The following TNFAIP3 variants were observed in gnomAD, a reference collection of about 807,000 sequenced individuals.
TNFAIP3 encodes the protein TNF alpha induced protein 3.
Under a neutral mutation model 72.4 loss-of-function variants are expected in TNFAIP3, and 9 were observed. The observed-to-expected ratio is 0.12, with a 90% CI of 0.07 to 0.22. TNFAIP3 has a LOEUF of 0.22. Ranked by LOEUF, TNFAIP3 falls within the 10% of genes least tolerant of loss-of-function variation. The pLI, the probability that TNFAIP3 is intolerant of heterozygous loss-of-function variation, is 1.00. For synonymous variants in TNFAIP3, 339 were observed against 372.6 expected, an observed-to-expected ratio of 0.91 and a Z score of 1.04; for missense variants, 833 against 1,018.7, an observed-to-expected ratio of 0.82 and a Z score of 2.48.
intron 1 of TNFAIP3, among the ~76,000 whole-genome samples, chr6:137,870,818 G>A (rs1562267134): frequency 6.6e-6 from 1 of 152,166 alleles, no homozygotes. Context: ...CTGGCATCCA[G>A]TACTCCCCAA....
rs768774832 is a variant in TNFAIP3, at chr6:137,878,592, A to T, written c.1147A>T (p.Met383Leu). The T allele has an allele frequency of 2.5e-6, 4 of 1,614,266 alleles. No homozygotes were observed. In the South Asian group the frequency reaches 4.4e-5, roughly 18 times the overall value. Residue 383 changes from methionine to leucine, a missense_variant, in exon 7 of 9, where the codon ATG (methionine) becomes TTG (leucine). Coordinates refer to ENST00000612899, the MANE Select transcript of TNFAIP3 (RefSeq NM_001270508.2). ...ACCTTCCGTGCCCCAGCTTTCTCTC[A>T]TGGATGTAAAATGTGAAACGCCCAA... Reference protein sequence around the residue: ...MEPSVPQLSLMDVKCETPNCP... With the variant: ...MEPSVPQLSLLDVKCETPNCP...
intron 8 of TNFAIP3, among the ~76,000 whole-genome samples, chr6:137,880,816 G>T (rs1188048567): frequency 1.3e-5 from 2 of 152,160 alleles, no homozygotes; most frequent in African/African-American, 4.8e-5. Flanking sequence ...GTTTTCCTCA[G>T]CCTCCCTGGG....
In TNFAIP3 at chr6:137,871,196, TTTCC is replaced by T; in HGVS notation, c.-15-14_-15-11del. 1.3e-6 allele frequency: 2 copies of T among 1,568,756 alleles called. No homozygotes were observed. The highest frequency in any genetic ancestry group is 8.6e-7 in the Non-Finnish European group (1 of 1,162,698). On this transcript the variant is annotated splice_polypyrimidine_tract_variant and intron_variant, in intron 1 of 8. Transcript: ENST00000612899. This position sits in a 1 kb window ranked among gnomAD's most constrained non-coding sequence, Gnocchi z 4.2. Reference sequence around the variant, plus strand: ...CAGGCTAATAGAATGGCTTTTTTTTTTTCCTTTCCTTTTCAGGTGTTGGAGAGCA... The same window carrying T: ...CAGGCTAATAGAATGGCTTTTTTTTTTTTCCTTTTCAGGTGTTGGAGAGCA...
At chr6:137,873,694 A>AT (rs533997173) in intron 2 of TNFAIP3, among the ~76,000 whole-genome samples, 292 of 152,304 alleles carry the variant, frequency 1.9e-3, no homozygotes, top group Admixed American at 3.3e-3. Context: ...GAACGCAATC[A>AT]TTGCTACACG....
intron 3 of TNFAIP3, 36 bp downstream of exon 3, chr6:137,875,071 T>A (rs768199497): frequency 4.3e-6 from 7 of 1,611,468 alleles, no homozygotes; most frequent in Non-Finnish European, 5.1e-6. Flanking sequence ...CTAACAGAGC[T>A]CCATGGTGGG....
At position 137,879,342 on chromosome 6, in the gene TNFAIP3, G is replaced by C. The variant is rs1776368987; in HGVS notation, c.1897G>C (p.Glu633Gln). The C allele has an allele frequency of 2.5e-6, 4 of 1,610,016 alleles. No individual in the cohort carries two copies. The East Asian group carries it at 8.9e-5, about 36-fold the overall frequency. ...FCTLCFIEYR[E>Q]NKHFAAASGK... ...CACACTGTGTTTCATCGAGTACAGA[G>C]AAAACAAACGTGAGTGAAGTGGTTG... Residue 633 changes from glutamate to glutamine, a missense_variant, in exon 7 of 9, where the codon GAA becomes CAA. Physicochemically the swap from Glu to Gln is conservative, Grantham distance 29 (BLOSUM62 2). Around this residue, in one of 2 missense-constraint regions of TNFAIP3, gnomAD observed 587 missense variants for 657.8 expected, o/e 0.89. Transcript: ENST00000612899.
At chr6:137,873,330 C>T (rs960903534) in intron 2 of TNFAIP3, among the ~76,000 whole-genome samples, 2 of 152,076 alleles carry the variant, frequency 1.3e-5, no homozygotes, top group African/African-American at 2.4e-5. Context: ...TATGAGACTG[C>T]GGTGAATGAG....
Position 137,880,322 on chromosome 6 carries a change from G to C in TNFAIP3, c.2088+70G>C, listed in dbSNP as rs551298480. Reference sequence around the variant, plus strand: ...GCTTTTTGCTGGAGCGTTTTCTACCGACAGTGACAAGCAGGCTTTCCTCTC... The same window carrying C: ...GCTTTTTGCTGGAGCGTTTTCTACCCACAGTGACAAGCAGGCTTTCCTCTC... On this transcript the variant is annotated intron_variant, in intron 8 of 8. Coordinates refer to ENST00000612899, the MANE Select transcript of TNFAIP3 (RefSeq NM_001270508.2). The C allele has an allele frequency of 2.0e-5, 31 of 1,530,430 alleles. No individual in the cohort carries two copies. In the East Asian group the frequency reaches 6.5e-4, roughly 32 times the overall value. 94.8% of individuals were successfully genotyped at this position (1,530,430 alleles called of 1,614,324 possible).
chr6:137,880,078 T>C lies in TNFAIP3; in HGVS notation c.1914T>C (p.Ala638=), dbSNP rs772785588. 6.2e-7 allele frequency: 1 copy of C among 1,614,154 alleles called. No individual in the cohort carries two copies. The stretch of plus-strand genomic sequence containing the variant: ...GCATCCATTCTCATGTAGATTTTGC[T>C]GCTGCCTCAGGGAAAGTCAGTCCCA... The part of the protein sequence containing the change: ...FIEYRENKHF[A]AASGKVSPTA... The change falls in exon 8 of 9, where the codon GCT becomes GCC. Residue 638 remains alanine, a synonymous_variant. Transcript: ENST00000612899.
rs1189263512 is a variant in TNFAIP3, at chr6:137,882,710, T to G, written c.*1391T>G. 1 of 232,572 alleles carries G rather than the reference T, an allele frequency of 4.3e-6. No individual in the cohort carries two copies. The highest frequency in any genetic ancestry group is 2.2e-5 in the African/African-American group (1 of 45,294). 14.4% of individuals were successfully genotyped at this position (232,572 alleles called of 1,614,324 possible). A position where few individuals can be genotyped will look rare whatever the true frequency, so the allele number is the denominator to read the frequency against. ...TGATGGTTTTATTTTCTGTTAACAC[T>G]GTGTCCTGGGGGGGCTGGGAAGTCC... is the stretch of plus-strand genomic sequence containing the variant. On this transcript the variant is annotated 3_prime_UTR_variant, in exon 9 of 9. Transcript: ENST00000612899.
rs768297733 is a variant in TNFAIP3, at chr6:137,882,525, C to T, written c.*1206C>T. Reference sequence around the variant, plus strand: ...ATCCAAGGTATACATACATATTCATCGATGTTTCGTGCTTCTCCTTATGAA... The same window carrying T: ...ATCCAAGGTATACATACATATTCATTGATGTTTCGTGCTTCTCCTTATGAA... On this transcript the variant is annotated 3_prime_UTR_variant, in exon 9 of 9. Transcript: ENST00000612899. 1.2e-4 allele frequency: 27 copies of T among 232,080 alleles called. No homozygotes were observed. Among genetic ancestry groups the T allele is most frequent in the Non-Finnish European group, 2.0e-4 (23 of 117,372 alleles). The allele number at this position is 232,080 out of a possible 1,614,324, so 14.4% of individuals were successfully genotyped here. A position where few individuals can be genotyped will look rare whatever the true frequency, so the allele number is the denominator to read the frequency against.
Position 137,881,419 on chromosome 6 carries a change from G to GCA in TNFAIP3, c.*100_*101insCA. 9.2e-7 allele frequency: 1 copy of GCA among 1,090,450 alleles called. No individual in the cohort carries two copies. Among genetic ancestry groups the GCA allele is most frequent in the Non-Finnish European group, 1.3e-6 (1 of 758,038 alleles). 67.5% of individuals were successfully genotyped at this position (1,090,450 alleles called of 1,614,324 possible). ...CCCCTCAGCTGCCACTGCAACAGTG[G>GCA]GCTTAAGGGTGTCTGAGCAGGAGAG... On this transcript the variant is annotated 3_prime_UTR_variant, in exon 9 of 9. Transcript: ENST00000612899. The surrounding 1 kb of genome is among the most constrained non-coding windows in gnomAD (Gnocchi z 5.0).
chr6:137,870,460 G>T (rs1002654632), intron 1 of TNFAIP3, among the ~76,000 whole-genome samples: 2 of 152,144 alleles, frequency 1.3e-5, no homozygotes, highest in African/African-American at 4.8e-5. Flanking sequence ...ATGAAGTCCG[G>T]TGCGGAGGTT....
intron 5 of TNFAIP3, 172 bp downstream of exon 5, chr6:137,876,338 C>T: frequency 1.6e-6 from 1 of 606,498 alleles, no homozygotes; most frequent in Non-Finnish European, 2.8e-6. Flanking sequence ...TCATAATACC[C>T]TCATATCTTT....
At chr6:137,874,265 T>C (rs598493) in intron 2 of TNFAIP3, among the ~76,000 whole-genome samples, 107,860 of 152,064 alleles carry the variant, frequency 0.71, 38,496 homozygotes, top group East Asian at 0.91. Context: ...GTGTTGTCAA[T>C]ACGACTTTCC....
intron 7 of TNFAIP3, 137 bp from the exon 8 acceptor site, chr6:137,879,934 A>T: frequency 1.5e-6 from 1 of 649,370 alleles, no homozygotes; most frequent in Non-Finnish European, 2.6e-6. Flanking sequence ...AGACTTAAAC[A>T]TATACATATA....
upstream of TNFAIP3, chr6:137,866,588 A>G (rs1195465886): frequency 1.3e-5 from 2 of 152,430 alleles, no homozygotes; most frequent in East Asian, 3.8e-4. Flanking sequence ...TTTACCTAAG[A>G]CTGGGGCCAC....
In TNFAIP3 at chr6:137,871,495, C is replaced by T. The variant is rs747030410; in HGVS notation, c.268C>T (p.Arg90Trp). The T allele has an allele frequency of 3.1e-6, 5 of 1,614,066 alleles. No individual in the cohort carries two copies. Among genetic ancestry groups the T allele is most frequent in the Admixed American group, 1.7e-5 (1 of 60,004 alleles). Reference protein sequence around the residue: ...QKKLNWCREVRKLVALKTNGD... With the variant: ...QKKLNWCREVWKLVALKTNGD... ...GAAACTCAACTGGTGTCGAGAAGTC[C>T]GGAAGCTTGTGGCGCTGAAAACGAA... The change falls in exon 2 of 9, where the codon CGG becomes TGG. Residue 90 changes from arginine (R) to tryptophan (W), a missense_variant. By Grantham distance (101) the Arg-to-Trp change is moderately radical. Coordinates refer to ENST00000612899, the MANE Select transcript of TNFAIP3 (RefSeq NM_001270508.2). This position sits in a 1 kb window ranked among gnomAD's most constrained non-coding sequence, Gnocchi z 4.2.
In TNFAIP3 at chr6:137,880,159, T is replaced by C. The variant is rs1334879650; in HGVS notation, c.1995T>C (p.Leu665=). The C allele has an allele frequency of 1.9e-6, 3 of 1,614,164 alleles. No individual in the cohort carries two copies. The South Asian group carries it at 3.3e-5, about 18-fold the overall frequency. The change falls in exon 8 of 9, where the codon CTT becomes CTC. Residue 665 remains leucine (L), a synonymous_variant. Coordinates refer to ENST00000612899, the MANE Select transcript of TNFAIP3 (RefSeq NM_001270508.2). ...GCCTGGGGAGGGAATGCGGCACCCT[T>C]GGAAGCACCATGTTTGAAGGATACT... ...IPCLGRECGT[L]GSTMFEGYCQ...
Sources: allele counts gnomAD v4.1 joint callset (sites outside exome capture counted in the v4.1 genomes callset), GRCh38; gene constraint gnomAD v4.1.1; regional missense constraint gnomAD v4.1.1; non-coding constraint Gnocchi (gnomAD v3.1); transcripts MANE v1.5; gene names NCBI Gene and HGNC (gene_info 2026-07-23, HGNC 2026-07-21).